The following KIF6 variants were observed in gnomAD, a reference collection of about 807,000 sequenced individuals.
KIF6 encodes kinesin family member 6.
KIF6 carries 106 observed loss-of-function variants against 112.7 expected under a neutral mutation model. The observed-to-expected ratio is 0.94, with a 90% confidence interval of 0.80 to 1.11. The LOEUF (loss-of-function observed/expected upper bound fraction) is 1.11. Ranked by LOEUF, KIF6 falls within the 50% of genes least tolerant of loss-of-function variation. KIF6 has a pLI of 0.00. For missense variants in KIF6, 929 were observed against 964.0 expected, an observed-to-expected ratio of 0.96 and a Z score of 0.48; for synonymous variants, 339 against 339.9, an observed-to-expected ratio of 1.00 and a Z score of 0.03.
chr6:39,531,093 GC>G (rs1220135356), intron 13 of KIF6, among the ~76,000 whole-genome samples: 1 of 151,972 alleles, frequency 6.6e-6, no homozygotes, highest in Non-Finnish European at 1.5e-5. Flanking sequence ...CCATTTGTGA[GC>G]CTACCTCTGC....
At chr6:39,349,695 T>G (rs1342282335) in intron 19 of KIF6, among the ~76,000 whole-genome samples, 1 of 136,048 alleles carries the variant, frequency 7.4e-6, no homozygotes, top group Non-Finnish European at 1.5e-5. Flanking sequence ...CAGGCTAGAG[T>G]GCTGTGGTGT....
Position 39,334,388 on chromosome 6 carries a change from C to G in KIF6, c.*2144G>C, listed in dbSNP as rs1028450673. 6.6e-6 allele frequency: 1 copy of G among 152,342 alleles called. No individual in the cohort carries two copies. Among genetic ancestry groups the G allele is most frequent in the Non-Finnish European group, 1.5e-5 (1 of 68,128 alleles). The allele number at this position is 152,342 out of a possible 1,614,324, so 9.4% of individuals were successfully genotyped here. On this transcript the variant is annotated 3_prime_UTR_variant, in exon 23 of 23. Transcript: ENST00000287152. ...TTAAGGCCAGGAATTTGAGACCATC[C>G]TGAGCCACACAGTGAGACCCTGTCT...
intron 7 of KIF6, among the ~76,000 whole-genome samples, chr6:39,588,176 T>C (rs1426553917): frequency 6.6e-6 from 1 of 152,170 alleles, no homozygotes; most frequent in African/African-American, 2.4e-5. Context: ...TTTCTCCCTA[T>C]GTAATCTCAT....
At chr6:39,630,724 G>C (rs1317710963) in intron 5 of KIF6, among the ~76,000 whole-genome samples, 1 of 151,978 alleles carries the variant, frequency 6.6e-6, no homozygotes, top group African/African-American at 2.4e-5. Context: ...AATTAGAGTG[G>C]TGAGAGGGAC....
intron 13 of KIF6, among the ~76,000 whole-genome samples, chr6:39,500,457 T>C (rs1306389237): frequency 6.6e-6 from 1 of 152,070 alleles, no homozygotes; most frequent in Non-Finnish European, 1.5e-5. Flanking sequence ...CTCATTGAGG[T>C]AGAAAATATA....
At chr6:39,410,874 C>T (rs1769426332) in intron 15 of KIF6, among the ~76,000 whole-genome samples, 1 of 152,182 alleles carries the variant, frequency 6.6e-6, no homozygotes, top group South Asian at 2.1e-4. Flanking sequence ...AAAGAGAGAG[C>T]TTCCTCCCCT....
intron 10 of KIF6, among the ~76,000 whole-genome samples, chr6:39,564,458 T>C (rs1780173199): frequency 6.6e-6 from 1 of 152,178 alleles, no homozygotes; most frequent in Non-Finnish European, 1.5e-5. Context: ...TTTCAAGAAC[T>C]AGGACTAATT....
chr6:39,382,006 A>C (rs1012734655), intron 16 of KIF6, among the ~76,000 whole-genome samples: 3 of 152,158 alleles, frequency 2.0e-5, no homozygotes, highest in South Asian at 4.1e-4. Context: ...TGTCTGCCCC[A>C]GCTGGAAGGA....
chr6:39,587,669 C>T (rs903617374), intron 7 of KIF6, among the ~76,000 whole-genome samples: 1 of 152,096 alleles, frequency 6.6e-6, no homozygotes, highest in Non-Finnish European at 1.5e-5. Flanking sequence ...GATTCGGAAC[C>T]CTGACCAGGA....
intron 9 of KIF6, among the ~76,000 whole-genome samples, chr6:39,583,971 A>G (rs139425487): frequency 3.6e-4 from 55 of 152,180 alleles, no homozygotes; most frequent in African/African-American, 1.3e-3. Context: ...GTTCTTTGAT[A>G]AAGCAGGATT....
chr6:39,500,279 G>C (rs1185033002), intron 13 of KIF6, among the ~76,000 whole-genome samples: 2 of 152,194 alleles, frequency 1.3e-5, no homozygotes, highest in East Asian at 1.9e-4. Context: ...GAATACAAGA[G>C]AGAAATTATT....
chr6:39,390,048 A>AAAAAAAAG (rs1258761315), intron 15 of KIF6, among the ~76,000 whole-genome samples: 9 of 137,308 alleles, frequency 6.6e-5, no homozygotes, highest in African/African-American at 1.2e-4. Context: ...AAAAAAAAAA[A>AAAAAAAAG]AAAAGGAAAT....
chr6:39,631,346 C>T (rs1297985587), intron 5 of KIF6, among the ~76,000 whole-genome samples: 1 of 151,846 alleles, frequency 6.6e-6, no homozygotes, highest in Non-Finnish European at 1.5e-5. Context: ...TGAGAATGGA[C>T]ATTGTTGCAT....
At chr6:39,611,603 CAGTT>C (rs1304513370) in intron 6 of KIF6, among the ~76,000 whole-genome samples, 7 of 152,184 alleles carry the variant, frequency 4.6e-5, no homozygotes, top group African/African-American at 1.7e-4. Context: ...GAAAGAAAGT[CAGTT>C]AGCACTGAGG....
At position 39,424,476 on chromosome 6, in the gene KIF6, C is replaced by G. The variant is rs75867459; in HGVS notation, c.1755-4473G>C. 8.9e-3 allele frequency among the ~76,000 whole-genome samples: 1,351 copies of G among 152,292 alleles called. 16 individuals carry two copies. Among genetic ancestry groups the G allele is most frequent in the African/African-American group, 0.028 (1,177 of 41,546 alleles). On this transcript the variant is annotated intron_variant, in intron 14 of 22. Coordinates refer to ENST00000287152, the MANE Select transcript of KIF6 (RefSeq NM_145027.6). ...CTGGGGCTTAGAACAGGGGCTTGCA[C>G]CTAGTAAGCATTCCATAAATATTTG...
chr6:39,710,312 A>T (rs1228472769), intron 3 of KIF6, among the ~76,000 whole-genome samples: 1 of 152,198 alleles, frequency 6.6e-6, no homozygotes, highest in African/African-American at 2.4e-5. Flanking sequence ...GGTAGGCCAC[A>T]GTGAACAGAA....
chr6:39,621,355 C>G (rs755723944), intron 5 of KIF6, among the ~76,000 whole-genome samples: 2 of 152,130 alleles, frequency 1.3e-5, no homozygotes. Context: ...TTATGAACAG[C>G]TTTAAGGCTC....
At chr6:39,356,859 C>T (rs1013605443) in intron 19 of KIF6, among the ~76,000 whole-genome samples, 5 of 152,116 alleles carry the variant, frequency 3.3e-5, no homozygotes, top group African/African-American at 1.2e-4. Context: ...TTGGAGGCTA[C>T]CTGGATCCTG....
intron 13 of KIF6, among the ~76,000 whole-genome samples, chr6:39,432,927 C>T (rs541131825): frequency 3.3e-5 from 5 of 152,178 alleles, no homozygotes; most frequent in East Asian, 3.9e-4. Context: ...ATTGCTCCCC[C>T]CCGCAGGGGA....
Sources: allele counts gnomAD v4.1 joint callset (sites outside exome capture counted in the v4.1 genomes callset), GRCh38; gene constraint gnomAD v4.1.1; transcripts MANE v1.5; gene names NCBI Gene and HGNC (gene_info 2026-07-23, HGNC 2026-07-21).